The following OSTF1 variants were observed in gnomAD, a reference collection of about 807,000 sequenced individuals.
The protein encoded by OSTF1 is osteoclast-stimulating factor 1.
Under a neutral mutation model 37.2 loss-of-function variants are expected in OSTF1, and 27 were observed. The ratio of observed to expected loss-of-function variants is 0.73; its 90% confidence interval spans 0.54 to 1.00. OSTF1 has a LOEUF of 1.00. Among genes scored for constraint, OSTF1 ranks in the 50% least tolerant of loss-of-function variants. The pLI is 0.00. For missense variants in OSTF1, 232 were observed against 253.8 expected (o/e 0.91, Z 0.58); for synonymous variants, 82 against 89.2 (o/e 0.92, Z 0.46).
chr9:75,136,391 C>A (rs1825843601), intron 7 of OSTF1, among the ~76,000 whole-genome samples: 1 of 151,904 alleles, frequency 6.6e-6, no homozygotes. Context: ...ATTATCCATT[C>A]ATTATTATTT....
intron 7 of OSTF1, among the ~76,000 whole-genome samples, chr9:75,135,302 T>C (rs1825824804): frequency 6.6e-6 from 1 of 152,226 alleles, no homozygotes; most frequent in South Asian, 2.1e-4. Flanking sequence ...AGAGATTTGG[T>C]GCCATTTTGA....
At chr9:75,143,546 G>A (rs1275135105) in intron 9 of OSTF1, among the ~76,000 whole-genome samples, 2 of 152,124 alleles carry the variant, frequency 1.3e-5, no homozygotes, top group African/African-American at 4.8e-5. Context: ...TATGTAAATG[G>A]AATCAAACAG....
intron 1 of OSTF1, among the ~76,000 whole-genome samples, chr9:75,111,880 A>ATGGTG (rs1460132119): frequency 2.5e-5 from 3 of 120,316 alleles, no homozygotes; most frequent in Non-Finnish European, 4.8e-5. Flanking sequence ...TTGGAGTACA[A>ATGGTG]TGGTGTGATC....
intron 9 of OSTF1, among the ~76,000 whole-genome samples, chr9:75,143,481 C>T (rs1471055999): frequency 1.3e-5 from 2 of 152,146 alleles, no homozygotes; most frequent in Admixed American, 1.3e-4. Flanking sequence ...CACATGCCTC[C>T]CTCAGTGTCT....
rs755327949 is a variant in OSTF1, at chr9:75,130,612, G to A, written c.167G>A (p.Gly56Asp). Residue 56 changes from glycine to aspartate, a missense_variant, in exon 4 of 10, where the codon GGC (glycine) becomes GAC (aspartate). Transcript: ENST00000346234. Reference sequence around the variant, plus strand: ...AATTGGTGGAAAGGCACCTCCAAAGGCAGGACTGGACTAATTCCAAGCAAC... The same window carrying A: ...AATTGGTGGAAAGGCACCTCCAAAGACAGGACTGGACTAATTCCAAGCAAC... ...DTNWWKGTSK[G>D]RTGLIPSNYV... The A allele has an allele frequency of 1.9e-6, 3 of 1,612,208 alleles. No homozygotes were observed. The highest frequency in any genetic ancestry group is 2.5e-6 in the Non-Finnish European group (3 of 1,178,320).
At chr9:75,101,559 A>G (rs1159963541) in intron 1 of OSTF1, among the ~76,000 whole-genome samples, 1 of 152,202 alleles carries the variant, frequency 6.6e-6, no homozygotes. Flanking sequence ...ACATAAGAAC[A>G]TTTGAATCCT....
At position 75,113,774 on chromosome 9, in the gene OSTF1, GTTACC is replaced by G. The variant is rs1463105548; in HGVS notation, c.35-3725_35-3721del. Among the ~76,000 whole-genome samples, 5 of 152,160 alleles carry G rather than the reference GTTACC, an allele frequency of 3.3e-5. No homozygotes were observed. In the South Asian group the frequency reaches 6.2e-4, roughly 19 times the overall value. On this transcript the variant is annotated intron_variant, in intron 1 of 9. Transcript: ENST00000346234. ...GACTAAATCAAGCTAATTAACATGT[GTTACC>G]TTACATTATATTTTTGTGGTGAGAA...
intron 9 of OSTF1, among the ~76,000 whole-genome samples, chr9:75,142,845 T>A (rs1405448519): frequency 6.6e-6 from 1 of 152,242 alleles, no homozygotes; most frequent in East Asian, 1.9e-4. Context: ...ATTTGTATTG[T>A]GATCCTCATT....
chr9:75,106,242 G>A (rs1825281516), intron 1 of OSTF1, among the ~76,000 whole-genome samples: 1 of 152,204 alleles, frequency 6.6e-6, no homozygotes, highest in South Asian at 2.1e-4. Flanking sequence ...AAGAGTATAA[G>A]TAGGCAGGAA....
intron 1 of OSTF1, among the ~76,000 whole-genome samples, chr9:75,113,012 A>G (rs1825419273): frequency 6.6e-6 from 1 of 152,066 alleles, no homozygotes; most frequent in Non-Finnish European, 1.5e-5. Context: ...TCTTCAGTCT[A>G]TATGAGTGAA....
At chr9:75,132,883 A>G (rs1352242157) in intron 5 of OSTF1, among the ~76,000 whole-genome samples, 1 of 152,076 alleles carries the variant, frequency 6.6e-6, no homozygotes, top group Admixed American at 6.6e-5. Flanking sequence ...GAATATGAAT[A>G]GTATCTGCTT....
At chr9:75,110,164 G>A (rs915636778) in intron 1 of OSTF1, among the ~76,000 whole-genome samples, 2 of 152,110 alleles carry the variant, frequency 1.3e-5, no homozygotes, top group Non-Finnish European at 2.9e-5. Flanking sequence ...GGACAAATGC[G>A]TAATGGCAGT....
At chr9:75,136,930 G>A (rs535044077) in intron 7 of OSTF1, among the ~76,000 whole-genome samples, 111 of 152,276 alleles carry the variant, frequency 7.3e-4, no homozygotes, top group African/African-American at 2.4e-3. Context: ...AGTGGGGTAC[G>A]TAAAGGTACC....
chr9:75,119,720 A>T (rs1825548092), intron 2 of OSTF1, among the ~76,000 whole-genome samples: 1 of 152,200 alleles, frequency 6.6e-6, no homozygotes, highest in African/African-American at 2.4e-5. Context: ...TAATCCCAGC[A>T]CTTTGGGAGG....
chr9:75,104,368 C>T (rs578105350), intron 1 of OSTF1, among the ~76,000 whole-genome samples: 1 of 152,182 alleles, frequency 6.6e-6, no homozygotes, highest in African/African-American at 2.4e-5. Flanking sequence ...AACAGCAAGA[C>T]CCTGTCTTTA....
chr9:75,126,515 A>G (rs542617828), intron 2 of OSTF1, among the ~76,000 whole-genome samples: 15 of 152,362 alleles, frequency 9.8e-5, no homozygotes, highest in African/African-American at 3.6e-4. Flanking sequence ...GGTAAGTGTT[A>G]TCTACTGATG....
At chr9:75,135,399 G>A (rs1164514357) in intron 7 of OSTF1, among the ~76,000 whole-genome samples, 1 of 152,046 alleles carries the variant, frequency 6.6e-6, no homozygotes, top group East Asian at 1.9e-4. Flanking sequence ...ATGATGATGT[G>A]CTAGCATTCA....
chr9:75,115,090 A>G (rs1825458424), intron 1 of OSTF1, among the ~76,000 whole-genome samples: 1 of 152,232 alleles, frequency 6.6e-6, no homozygotes, highest in Non-Finnish European at 1.5e-5. Context: ...TATGTATATT[A>G]TTCTATGGTG....
At chr9:75,137,493 C>T (rs1253715428) in intron 7 of OSTF1, 45 bp from the exon 8 acceptor site, 3 of 1,257,788 alleles carry the variant, frequency 2.4e-6, no homozygotes, top group Non-Finnish European at 2.3e-6. Context: ...ACTTTCAATC[C>T]ACCCTCTATC....
Sources: allele counts gnomAD v4.1 joint callset (sites outside exome capture counted in the v4.1 genomes callset), GRCh38; gene constraint gnomAD v4.1.1; transcripts MANE v1.5; gene names NCBI Gene and HGNC (gene_info 2026-07-23, HGNC 2026-07-21).